Variants in PARD3 observed in about 807,000 individuals in gnomAD.
The protein encoded by PARD3 is par-3 family cell polarity regulator.
Under a neutral mutation model 155.4 loss-of-function variants are expected in PARD3, and 75 were observed. The observed-to-expected ratio is 0.48, with a 90% CI of 0.40 to 0.58. PARD3 has a LOEUF of 0.58. PARD3 is among the 20% of genes least tolerant of loss of function. The pLI is 0.00. For synonymous variants in PARD3, 576 were observed against 610.5 expected (o/e 0.94, Z 0.83); for missense variants, 1,642 against 1,721.7 (o/e 0.95, Z 0.82).
chr10:34,356,189 G>A (rs1249649336), intron 14 of PARD3, among the ~76,000 whole-genome samples: 2 of 152,030 alleles, frequency 1.3e-5, no homozygotes, highest in Admixed American at 6.6e-5. Flanking sequence ...GCCCTGTCGC[G>A]ACTAATGTTA....
chr10:34,745,468 AAGAG>A (rs896080147), intron 1 of PARD3, among the ~76,000 whole-genome samples: 3 of 151,498 alleles, frequency 2.0e-5, no homozygotes, highest in Non-Finnish European at 2.9e-5. Flanking sequence ...GAGAGAGGGA[AAGAG>A]AGAGAGAGAA....
chr10:34,166,377 C>T (rs1949527337), intron 22 of PARD3, among the ~76,000 whole-genome samples: 1 of 151,958 alleles, frequency 6.6e-6, no homozygotes, highest in South Asian at 2.1e-4. Flanking sequence ...CTATGGGAAG[C>T]CAAGGCAAGA....
At chr10:34,377,063 C>T (rs894040227) in intron 10 of PARD3, among the ~76,000 whole-genome samples, 2 of 152,106 alleles carry the variant, frequency 1.3e-5, no homozygotes, top group East Asian at 1.9e-4. Flanking sequence ...AATTCAAAAA[C>T]GATTTTTCTT....
intron 2 of PARD3, among the ~76,000 whole-genome samples, chr10:34,603,037 C>T (rs2089926371): frequency 6.6e-6 from 1 of 152,070 alleles, no homozygotes; most frequent in Admixed American, 6.5e-5. Context: ...ATGTTCTATC[C>T]TTTGGAGTGA....
intron 3 of PARD3, among the ~76,000 whole-genome samples, chr10:34,495,090 A>G (rs745464374): frequency 6.6e-6 from 1 of 151,982 alleles, no homozygotes; most frequent in Non-Finnish European, 1.5e-5. Context: ...CTGGCACTCA[A>G]TTTCGCAGGG....
intron 2 of PARD3, among the ~76,000 whole-genome samples, chr10:34,603,683 T>C (rs1360595911): frequency 6.6e-6 from 1 of 151,962 alleles, no homozygotes; most frequent in Non-Finnish European, 1.5e-5. Flanking sequence ...ATAATATTCA[T>C]CCCAACATAT....
chr10:34,517,159 G>A lies in PARD3; in HGVS notation c.223C>T (p.Leu75=), dbSNP rs1300517445. The A allele has an allele frequency of 6.2e-7, 1 of 1,611,636 alleles. No individual in the cohort carries two copies. Reference sequence around the variant, plus strand: ...TCCTGCTCATCAAACACTGCTACCAGCTAGAAATGAAAGGTAAATGTGCAC... The same window carrying A: ...TCCTGCTCATCAAACACTGCTACCAACTAGAAATGAAAGGTAAATGTGCAC... ...LCDVADDKDR[L]VAVFDEQDPH... The change falls in exon 3 of 25, where the codon CTG becomes TTG. Residue 75 remains leucine (L), a splice_region_variant and synonymous_variant. Transcript: ENST00000374788.
chr10:34,679,666 G>A (rs1205623089), intron 2 of PARD3, among the ~76,000 whole-genome samples: 3 of 152,174 alleles, frequency 2.0e-5, no homozygotes, highest in Non-Finnish European at 2.9e-5. Flanking sequence ...ACAGAAAGAG[G>A]AGGGAGGGTG....
At chr10:34,265,056 CA>C (rs1286424173) in intron 22 of PARD3, among the ~76,000 whole-genome samples, 1 of 152,130 alleles carries the variant, frequency 6.6e-6, no homozygotes, top group Non-Finnish European at 1.5e-5. Context: ...CGGCCTACGC[CA>C]ACATTTTTGT....
intron 22 of PARD3, among the ~76,000 whole-genome samples, chr10:34,247,489 G>A (rs189866783): frequency 2.6e-5 from 4 of 152,064 alleles, no homozygotes; most frequent in Non-Finnish European, 4.4e-5. Flanking sequence ...GTGACACAGC[G>A]ACTCTGAAAG....
chr10:34,432,644 T>C (rs2076005965), intron 5 of PARD3, among the ~76,000 whole-genome samples: 1 of 152,060 alleles, frequency 6.6e-6, no homozygotes, highest in Non-Finnish European at 1.5e-5. Context: ...GAACTGGCAG[T>C]TTCAAGTCAC....
At chr10:34,344,712 T>C (rs1837220592) in intron 15 of PARD3, 2 of 985,436 alleles carry the variant, frequency 2.0e-6, no homozygotes, top group Non-Finnish European at 2.4e-6. Context: ...TCCAGGACTA[T>C]TACAAAATCC....
intron 3 of PARD3, among the ~76,000 whole-genome samples, chr10:34,502,647 T>C (rs888025356): frequency 1.3e-5 from 2 of 152,070 alleles, no homozygotes; most frequent in African/African-American, 4.8e-5. Flanking sequence ...AAATAAACTA[T>C]ACATTAGACT....
chr10:34,454,585 G>T (rs758491312), intron 4 of PARD3, among the ~76,000 whole-genome samples: 30 of 151,728 alleles, frequency 2.0e-4, no homozygotes, highest in Non-Finnish European at 4.1e-4. Context: ...AAATTAATTT[G>T]TTAGAGTTAT....
intron 22 of PARD3, among the ~76,000 whole-genome samples, chr10:34,158,885 A>G (rs1043367441): frequency 6.6e-6 from 1 of 152,266 alleles, no homozygotes; most frequent in East Asian, 1.9e-4. Flanking sequence ...AACCTATCAA[A>G]GATGGGTAAG....
At chr10:34,712,230 A>G (rs886876531) in intron 1 of PARD3, among the ~76,000 whole-genome samples, 2 of 152,210 alleles carry the variant, frequency 1.3e-5, no homozygotes, top group African/African-American at 4.8e-5. Flanking sequence ...GACAGAAAAC[A>G]GAAGGCTTTA....
At chr10:34,136,375 T>A in intron 22 of PARD3, among the ~76,000 whole-genome samples, 1 of 152,214 alleles carries the variant, frequency 6.6e-6, no homozygotes, top group Non-Finnish European at 1.5e-5. Flanking sequence ...ATGTGACTGA[T>A]TAATTCTTCA....
At chr10:34,290,158 C>CATAG (rs1289161434) in intron 20 of PARD3, among the ~76,000 whole-genome samples, 1 of 152,082 alleles carries the variant, frequency 6.6e-6, no homozygotes, top group African/African-American at 2.4e-5. Flanking sequence ...AATAATAATG[C>CATAG]ATAGCATCCT....
intron 2 of PARD3, among the ~76,000 whole-genome samples, chr10:34,652,037 T>G (rs1207350621): frequency 1.3e-5 from 2 of 152,192 alleles, no homozygotes; most frequent in African/African-American, 4.8e-5. Context: ...CATTTTTTCC[T>G]CCGGGTTCTC....
Sources: gnomAD v4.1 joint callset for allele counts (sites outside exome capture counted in the v4.1 genomes callset) on GRCh38, gnomAD v4.1.1 for gene constraint, MANE v1.5 for transcripts, NCBI Gene and HGNC (gene_info 2026-07-23, HGNC 2026-07-21) for gene names.